The following CCBE1 variants were observed in gnomAD, a reference collection of about 807,000 sequenced individuals.
The protein encoded by CCBE1 is collagen and calcium-binding EGF domain-containing protein 1.
In CCBE1, 37 loss-of-function variants were observed where a neutral mutation model predicts 50.0. The observed-to-expected ratio is 0.74, with a 90% CI of 0.57 to 0.97. CCBE1 has a LOEUF of 0.97. Among genes scored for constraint, CCBE1 ranks in the 50% least tolerant of loss-of-function variants. CCBE1 has a pLI of 0.00. For missense variants in CCBE1, 538 were observed against 523.8 expected (o/e 1.03, Z -0.26); for synonymous variants, 234 against 203.7 (o/e 1.15, Z -1.27).
rs142823349 is a variant in CCBE1 at position 59,452,515 on chromosome 18, C to T, written c.654+2336G>A. ...AGGCTGAGGCAGAGAATTGCTTGAACCTGGGAGGCAGAGGTTGCAGTGAGC... is the reference window on the plus strand; with the variant it reads ...AGGCTGAGGCAGAGAATTGCTTGAATCTGGGAGGCAGAGGTTGCAGTGAGC... On this transcript the variant is annotated intron_variant, in intron 6 of 10. Transcript: ENST00000439986. Among the ~76,000 whole-genome samples, 551 of 152,242 alleles carry T rather than the reference C, an allele frequency of 3.6e-3. 5 individuals carry two copies. Among genetic ancestry groups the T allele is most frequent in the African/African-American group, 0.013 (526 of 41,546 alleles).
intron 2 of CCBE1, among the ~76,000 whole-genome samples, chr18:59,623,582 C>T (rs1012978988): frequency 1.3e-5 from 2 of 152,162 alleles, no homozygotes; most frequent in African/African-American, 2.4e-5. Context: ...TGCATAAGCC[C>T]AGGTAATAAT....
intron 3 of CCBE1, among the ~76,000 whole-genome samples, chr18:59,471,966 C>A (rs1015408559): frequency 1.3e-5 from 2 of 152,224 alleles, no homozygotes; most frequent in Admixed American, 6.5e-5. Context: ...AGTTCAAGAC[C>A]AGCCTGGGCA....
chr18:59,658,413 AT>A (rs2054233953), intron 2 of CCBE1, among the ~76,000 whole-genome samples: 3 of 73,862 alleles, frequency 4.1e-5, no homozygotes, highest in African/African-American at 5.0e-5. Flanking sequence ...ATATATATAT[AT>A]ATAAAGTTAG....
At chr18:59,656,484 G>A (rs2054190910) in intron 2 of CCBE1, among the ~76,000 whole-genome samples, 1 of 152,118 alleles carries the variant, frequency 6.6e-6, no homozygotes, top group African/African-American at 2.4e-5. Flanking sequence ...TATATTTTAA[G>A]TGGAAGGGGG....
chr18:59,539,545 G>C (rs1915388259), intron 2 of CCBE1, among the ~76,000 whole-genome samples: 1 of 140,146 alleles, frequency 7.1e-6, no homozygotes, highest in African/African-American at 2.7e-5. Flanking sequence ...CAGAAACGAA[G>C]GGCAAGAAAC....
chr18:59,575,608 C>A (rs1006543086), intron 2 of CCBE1, among the ~76,000 whole-genome samples: 1 of 152,172 alleles, frequency 6.6e-6, no homozygotes, highest in Non-Finnish European at 1.5e-5. Flanking sequence ...AGAATAAAGA[C>A]CAGTTGACCC....
chr18:59,444,274 A>G (rs1226834811), intron 7 of CCBE1, among the ~76,000 whole-genome samples: 2 of 152,062 alleles, frequency 1.3e-5, no homozygotes, highest in East Asian at 3.9e-4. Flanking sequence ...TCTTTGGGGT[A>G]TATTCCCAGG....
chr18:59,645,902 G>A (rs893058217), intron 2 of CCBE1, among the ~76,000 whole-genome samples: 2 of 152,118 alleles, frequency 1.3e-5, no homozygotes, highest in African/African-American at 2.4e-5. Flanking sequence ...GTGGTGGCGG[G>A]TGCCTGTAGT....
chr18:59,554,426 T>C (rs913782225), intron 2 of CCBE1, among the ~76,000 whole-genome samples: 2 of 152,224 alleles, frequency 1.3e-5, no homozygotes, highest in Non-Finnish European at 2.9e-5. Flanking sequence ...CACACAGTCT[T>C]TCTACATGAT....
intron 2 of CCBE1, among the ~76,000 whole-genome samples, chr18:59,546,210 T>G (rs750309724): frequency 6.6e-6 from 1 of 152,254 alleles, no homozygotes; most frequent in Non-Finnish European, 1.5e-5. Context: ...TCATTTGCAT[T>G]TCTTTGACTA....
chr18:59,614,811 G>T (rs115990384), intron 2 of CCBE1, among the ~76,000 whole-genome samples: 6,572 of 152,216 alleles, frequency 0.043, 379 homozygotes, highest in African/African-American at 0.13. Context: ...TATTAAATGG[G>T]GTGACATGAC....
intron 2 of CCBE1, among the ~76,000 whole-genome samples, chr18:59,649,993 G>A (rs1209296096): frequency 6.6e-6 from 1 of 152,082 alleles, no homozygotes; most frequent in Admixed American, 6.5e-5. Context: ...ACTTGTTTTA[G>A]TGGCACTTGG....
Position 59,448,073 on chromosome 18 carries a change from G to A in CCBE1, c.685C>T (p.Leu229=). 6 of 1,614,146 alleles carry A rather than the reference G, an allele frequency of 3.7e-6. No individual in the cohort carries two copies. The highest frequency in any genetic ancestry group is 5.1e-6 in the Non-Finnish European group (6 of 1,180,030). ...IALLPNNAAD[L]GKYITGDKVL... ...TTGTCACCAGTGATATACTTGCCCAGGTCAGCTGCATTGTTGGGGAGCAGA... is the reference window on the plus strand; with the variant it reads ...TTGTCACCAGTGATATACTTGCCCAAGTCAGCTGCATTGTTGGGGAGCAGA... The change falls in exon 7 of 11, where the codon CTG becomes TTG. Residue 229 remains leucine, a synonymous_variant. Coordinates refer to ENST00000439986, the MANE Select transcript of CCBE1 (RefSeq NM_133459.4).
chr18:59,611,110 T>C (rs1416851331), intron 2 of CCBE1, among the ~76,000 whole-genome samples: 2 of 152,246 alleles, frequency 1.3e-5, no homozygotes, highest in African/African-American at 2.4e-5. Context: ...CACACCTGCA[T>C]GGTTCTGAGA....
chr18:59,491,532 G>GTC (rs1913094425), intron 2 of CCBE1, among the ~76,000 whole-genome samples: 1 of 152,154 alleles, frequency 6.6e-6, no homozygotes, highest in Admixed American at 6.5e-5. Context: ...AAATAAAAAT[G>GTC]GCCAGCCGTG....
At chr18:59,584,788 G>T (rs1225132406) in intron 2 of CCBE1, among the ~76,000 whole-genome samples, 1 of 152,178 alleles carries the variant, frequency 6.6e-6, no homozygotes, top group Non-Finnish European at 1.5e-5. Context: ...TGAATAGCCT[G>T]CAGAACTGCA....
At chr18:59,496,760 T>G (rs1001957185) in intron 2 of CCBE1, among the ~76,000 whole-genome samples, 4 of 152,238 alleles carry the variant, frequency 2.6e-5, no homozygotes, top group Admixed American at 6.5e-5. Context: ...CTTGTCCAGC[T>G]AAGCAGCCGA....
At chr18:59,595,719 C>G (rs761914574) in intron 2 of CCBE1, among the ~76,000 whole-genome samples, 3 of 152,306 alleles carry the variant, frequency 2.0e-5, no homozygotes, top group Non-Finnish European at 4.4e-5. Context: ...AAACATTTAA[C>G]TATTTTCCAT....
At chr18:59,669,558 C>T (rs751979012) in intron 2 of CCBE1, among the ~76,000 whole-genome samples, 49 of 152,228 alleles carry the variant, frequency 3.2e-4, no homozygotes, top group Non-Finnish European at 6.2e-4. Flanking sequence ...CCTTAGGGCC[C>T]ATGTGCACCT....
Sources: gnomAD v4.1 joint callset for allele counts (sites outside exome capture counted in the v4.1 genomes callset) on GRCh38, gnomAD v4.1.1 for gene constraint, MANE v1.5 for transcripts, NCBI Gene and HGNC (gene_info 2026-07-23, HGNC 2026-07-21) for gene names.